The following ASTN2 variants were observed in gnomAD, a reference collection of about 807,000 sequenced individuals.
ASTN2 encodes astrotactin 2.
A neutral mutation model predicts 139.8 loss-of-function variants in ASTN2; 54 were observed. That is an observed-to-expected ratio of 0.39 (90% CI 0.31 to 0.48). The LOEUF (loss-of-function observed/expected upper bound fraction) is 0.48, where lower values mean the gene tolerates loss of function less well. Among genes scored for constraint, ASTN2 ranks in the 20% least tolerant of loss-of-function variants. The pLI, the probability that ASTN2 is intolerant of heterozygous loss-of-function variation, is 0.95. For missense variants in ASTN2, 1,565 were observed against 1,725.1 expected, an observed-to-expected ratio of 0.91 and a Z score of 1.64; for synonymous variants, 756 against 719.5, an observed-to-expected ratio of 1.05 and a Z score of -0.81.
intron 5 of ASTN2, among the ~76,000 whole-genome samples, chr9:117,044,121 C>T (rs1838664729): frequency 6.6e-6 from 1 of 152,012 alleles, no homozygotes; most frequent in African/African-American, 2.4e-5. Context: ...TAAATAATTT[C>T]CAAAAGAAAT....
intron 10 of ASTN2, among the ~76,000 whole-genome samples, chr9:116,912,798 G>A (rs2132423171): frequency 6.6e-6 from 1 of 152,288 alleles, no homozygotes; most frequent in South Asian, 2.1e-4. Context: ...TTCACTCTAA[G>A]TGGGGGTACC....
intron 13 of ASTN2, among the ~76,000 whole-genome samples, chr9:116,745,531 T>A (rs1829211609): frequency 6.6e-6 from 1 of 152,212 alleles, no homozygotes; most frequent in Admixed American, 6.5e-5. Context: ...CTGCTAGGTA[T>A]GATTGTTCTC....
chr9:116,620,157 C>G (rs1015459230), intron 18 of ASTN2, among the ~76,000 whole-genome samples, 153 bp downstream of exon 18: 1 of 152,154 alleles, frequency 6.6e-6, no homozygotes, highest in African/African-American at 2.4e-5. Flanking sequence ...CCAAAGCTCC[C>G]TTCTTTCCTA....
intron 2 of ASTN2, among the ~76,000 whole-genome samples, chr9:117,273,337 G>T (rs1367671611): frequency 6.6e-6 from 1 of 152,150 alleles, no homozygotes; most frequent in Non-Finnish European, 1.5e-5. Context: ...TTGAGATTTG[G>T]GTAGGAACAC....
chr9:116,498,271 C>T (rs757861734), intron 19 of ASTN2, among the ~76,000 whole-genome samples: 1 of 152,114 alleles, frequency 6.6e-6, no homozygotes, highest in African/African-American at 2.4e-5. Context: ...GAACTTCAGT[C>T]TCCTTGTCTC....
intron 19 of ASTN2, among the ~76,000 whole-genome samples, chr9:116,617,424 T>C (rs1454960232): frequency 2.0e-5 from 3 of 152,212 alleles, no homozygotes; most frequent in Admixed American, 2.0e-4. Flanking sequence ...AGAGAAGGCA[T>C]CTTTCCTCTT....
chr9:117,081,023 A>G (rs1334294631), intron 5 of ASTN2, among the ~76,000 whole-genome samples: 1 of 152,216 alleles, frequency 6.6e-6, no homozygotes, highest in East Asian at 1.9e-4. Flanking sequence ...ACCAGAGTAG[A>G]GGCCACTTTT....
intron 19 of ASTN2, among the ~76,000 whole-genome samples, chr9:116,502,479 G>C (rs1393336946): frequency 2.0e-5 from 3 of 151,600 alleles, no homozygotes; most frequent in Non-Finnish European, 4.4e-5. Context: ...AACACATAGG[G>C]CCAAAGACAG....
chr9:116,725,089 T>C (rs913712159), intron 16 of ASTN2, among the ~76,000 whole-genome samples: 1 of 152,182 alleles, frequency 6.6e-6, no homozygotes, highest in Non-Finnish European at 1.5e-5. Flanking sequence ...ATCTTTAATG[T>C]GAGAAGCAGA....
At chr9:116,557,340 C>T (rs779002678) in intron 19 of ASTN2, among the ~76,000 whole-genome samples, 4 of 149,196 alleles carry the variant, frequency 2.7e-5, no homozygotes, top group Admixed American at 6.7e-5. Context: ...TTTGGGAGAA[C>T]ATATTTAATT....
intron 1 of ASTN2, among the ~76,000 whole-genome samples, chr9:117,295,759 A>AAGAAG (rs1564131660): frequency 5.9e-5 from 9 of 151,704 alleles, no homozygotes; most frequent in Non-Finnish European, 1.3e-4. Context: ...TAAAAAAAAA[A>AAGAAG]AAGAAGAAGA....
At chr9:117,066,513 T>C (rs1055774856) in intron 5 of ASTN2, among the ~76,000 whole-genome samples, 6 of 150,332 alleles carry the variant, frequency 4.0e-5, no homozygotes, top group Admixed American at 2.6e-4. Flanking sequence ...GCATGACTTA[T>C]AGTCATTTGG....
At chr9:116,541,292 G>T (rs1022233117) in intron 19 of ASTN2, among the ~76,000 whole-genome samples, 2 of 152,076 alleles carry the variant, frequency 1.3e-5, no homozygotes, top group African/African-American at 2.4e-5. Context: ...CTAACACAAA[G>T]AAAATAACTG....
At chr9:116,450,542 G>T (rs1282550819) in intron 20 of ASTN2, among the ~76,000 whole-genome samples, 3 of 152,146 alleles carry the variant, frequency 2.0e-5, no homozygotes, top group Non-Finnish European at 4.4e-5. Context: ...ATGGCTTTGG[G>T]TAAGTCCCAC....
chr9:116,768,077 T>C lies in ASTN2; in HGVS notation c.2397-34554A>G, dbSNP rs569727808. Among the ~76,000 whole-genome samples the C allele has an allele frequency of 4.6e-5, 7 of 152,326 alleles. No homozygotes were observed. The South Asian group carries it at 1.5e-3, about 32-fold the overall frequency. ...TGTCTTCAAGCACTTAGCAGTCTAG[T>C]AGGGAAGTCATACAAGTAAAAAAGA... On this transcript the variant is annotated intron_variant, in intron 13 of 22. Coordinates refer to ENST00000313400, the MANE Select transcript of ASTN2 (RefSeq NM_001365068.1).
intron 10 of ASTN2, among the ~76,000 whole-genome samples, chr9:116,912,537 G>A (rs1270700529): frequency 6.6e-6 from 1 of 152,220 alleles, no homozygotes; most frequent in East Asian, 1.9e-4. Flanking sequence ...TAGCCTTGCT[G>A]TTAATATTTG....
intron 2 of ASTN2, among the ~76,000 whole-genome samples, chr9:117,255,917 A>C (rs1833674183): frequency 6.6e-6 from 1 of 152,214 alleles, no homozygotes; most frequent in Non-Finnish European, 1.5e-5. Flanking sequence ...GAAAGGTACA[A>C]CTTATGGCAG....
intron 17 of ASTN2, among the ~76,000 whole-genome samples, chr9:116,642,667 T>G (rs1392906972): frequency 6.6e-6 from 1 of 152,146 alleles, no homozygotes; most frequent in Non-Finnish European, 1.5e-5. Context: ...TTTCTAGGGA[T>G]GAGCATCCAA....
At chr9:116,964,885 G>A (rs117385569) in intron 10 of ASTN2, among the ~76,000 whole-genome samples, 2 of 152,314 alleles carry the variant, frequency 1.3e-5, no homozygotes, top group East Asian at 1.9e-4. Flanking sequence ...GGATAAGACA[G>A]TTCCATTTCA....
Sources: gnomAD v4.1 joint callset for allele counts (sites outside exome capture counted in the v4.1 genomes callset) on GRCh38, gnomAD v4.1.1 for gene constraint, MANE v1.5 for transcripts, NCBI Gene and HGNC (gene_info 2026-07-23, HGNC 2026-07-21) for gene names.